Variants in ADAM10 observed in about 807,000 individuals in gnomAD.
The protein encoded by ADAM10 is ADAM metallopeptidase domain 10.
A neutral mutation model predicts 90.1 loss-of-function variants in ADAM10; 17 were observed. That is an observed-to-expected ratio of 0.19 (90% CI 0.13 to 0.28). The LOEUF (loss-of-function observed/expected upper bound fraction) is 0.28, where lower values mean the gene tolerates loss of function less well. Among genes scored for constraint, ADAM10 ranks in the 10% least tolerant of loss-of-function variants. The probability of loss-of-function intolerance (pLI) is 1.00; values close to 1 mark genes in which losing one functional copy is unlikely to be tolerated. For synonymous variants in ADAM10, 310 were observed against 298.6 expected (o/e 1.04, Z -0.40); for missense variants, 610 against 914.3 (o/e 0.67, Z 4.29).
chr15:58,684,133 G>T (rs1419578007), intron 2 of ADAM10, among the ~76,000 whole-genome samples: 1 of 152,062 alleles, frequency 6.6e-6, no homozygotes, highest in African/African-American at 2.4e-5. Flanking sequence ...ATTGTTTAGG[G>T]AATAATGACA....
At chr15:58,663,973 A>G (rs768810819) in intron 5 of ADAM10, among the ~76,000 whole-genome samples, 2 of 152,114 alleles carry the variant, frequency 1.3e-5, no homozygotes, top group Admixed American at 6.5e-5. Flanking sequence ...TTGCCAATAC[A>G]TTAGTACAGG....
rs181534411 is a variant in ADAM10, at chr15:58,636,003, G to A, written c.1013-2644C>T. On this transcript the variant is annotated intron_variant, in intron 8 of 15. Transcript: ENST00000260408. The stretch of plus-strand genomic sequence containing the variant: ...ATATGAAAGTTTAAAATGGCCGGGC[G>A]CAGTGGCTCACGTCTGTAATCCCAA... Among the ~76,000 whole-genome samples, 419 of 152,204 alleles carry A rather than the reference G, an allele frequency of 2.8e-3. 2 individuals carry two copies. Among genetic ancestry groups the A allele is most frequent in the Non-Finnish European group, 3.4e-3 (230 of 68,004 alleles).
chr15:58,646,754 G>A (rs1321097453), intron 5 of ADAM10, among the ~76,000 whole-genome samples: 1 of 152,160 alleles, frequency 6.6e-6, no homozygotes, highest in Non-Finnish European at 1.5e-5. Flanking sequence ...GTATTTCAAT[G>A]ACTTCCTATT....
chr15:58,627,675 CA>C (rs1566972335), intron 10 of ADAM10, 24 bp downstream of exon 10: 1 of 1,602,968 alleles, frequency 6.2e-7, no homozygotes, highest in South Asian at 1.1e-5. Context: ...ATGTTCATAA[CA>C]AAACGTTAGG....
At chr15:58,710,747 T>C (rs749474239) in intron 2 of ADAM10, among the ~76,000 whole-genome samples, 16 of 152,218 alleles carry the variant, frequency 1.1e-4, no homozygotes, top group Non-Finnish European at 2.1e-4. Flanking sequence ...TAAACATCTA[T>C]AACAATAGTA....
Position 58,717,700 on chromosome 15 carries a change from T to C in ADAM10, c.83A>G (p.Tyr28Cys). Residue 28 changes from tyrosine (Y) to cysteine (C), a missense_variant, in exon 2 of 16, where the codon TAT becomes TGT. Physicochemically the swap from Tyr to Cys is radical, Grantham distance 194. Around this residue, in one of 4 missense-constraint regions of ADAM10, gnomAD observed 310 missense variants for 362.4 expected, o/e 0.86. Transcript: ENST00000260408. ...AGATAATCCTTCATAATGTCTGATA[T>C]ATTTATTTAAAGGATTCCCATACTG... ...GGQYGNPLNK[Y>C]IRHYEGLSYN... is the part of the protein sequence containing the mutation. The C allele has an allele frequency of 1.9e-6, 3 of 1,613,358 alleles. No homozygotes were observed. The highest frequency in any genetic ancestry group is 2.5e-6 in the Non-Finnish European group (3 of 1,179,766).
intron 1 of ADAM10, among the ~76,000 whole-genome samples, chr15:58,720,766 T>C (rs1452654875): frequency 3.3e-5 from 5 of 152,210 alleles, no homozygotes; most frequent in African/African-American, 1.2e-4. Flanking sequence ...ATCTTCTGTA[T>C]CCTTTAAACA....
At chr15:58,615,627 A>G (rs991205381) in intron 11 of ADAM10, among the ~76,000 whole-genome samples, 1 of 152,206 alleles carries the variant, frequency 6.6e-6, no homozygotes, top group Admixed American at 6.5e-5. Context: ...AAAGTAAAGG[A>G]ACAGAAGAAG....
chr15:58,654,197 T>G (rs1362820214), intron 5 of ADAM10, among the ~76,000 whole-genome samples: 4 of 152,186 alleles, frequency 2.6e-5, no homozygotes, highest in Non-Finnish European at 5.9e-5. Flanking sequence ...TCTATTTCAT[T>G]TACTTCTGCT....
intron 2 of ADAM10, among the ~76,000 whole-genome samples, chr15:58,705,490 C>A (rs1595638312): frequency 1.3e-5 from 2 of 152,182 alleles, no homozygotes; most frequent in Admixed American, 1.3e-4. Flanking sequence ...CAAACAGATA[C>A]TGAGTCCCTA....
At chr15:58,706,206 A>G (rs1455095061) in intron 2 of ADAM10, among the ~76,000 whole-genome samples, 1 of 152,252 alleles carries the variant, frequency 6.6e-6, no homozygotes, top group Non-Finnish European at 1.5e-5. Flanking sequence ...CTAATGAAGT[A>G]CGTTGCCAAT....
intron 1 of ADAM10, among the ~76,000 whole-genome samples, chr15:58,722,294 A>G (rs1898881129): frequency 6.6e-6 from 1 of 152,114 alleles, no homozygotes; most frequent in South Asian, 2.1e-4. Flanking sequence ...GTGAGCCAAG[A>G]TCGCACCACT....
intron 2 of ADAM10, chr15:58,686,714 A>G: frequency 1.6e-6 from 1 of 643,822 alleles, no homozygotes; most frequent in East Asian, 2.7e-5. Flanking sequence ...CCTAACTTTT[A>G]GAGATATTTC....
intron 5 of ADAM10, among the ~76,000 whole-genome samples, chr15:58,652,961 T>C (rs761962873): frequency 6.6e-6 from 1 of 152,190 alleles, no homozygotes; most frequent in Non-Finnish European, 1.5e-5. Context: ...TTCCTAGGTA[T>C]GTAATTTTAT....
intron 2 of ADAM10, chr15:58,691,577 T>C (rs1011517042): frequency 6.0e-6 from 3 of 503,994 alleles, no homozygotes; most frequent in African/African-American, 1.9e-5. Context: ...CCTCATGGAT[T>C]CCAAGCCACG....
rs1894938017 is a variant in ADAM10 at position 58,595,921 on chromosome 15, A to G, written c.*1626T>C. 6.6e-6 allele frequency: 1 copy of G among 152,128 alleles called. No homozygotes were observed. Among genetic ancestry groups the G allele is most frequent in the Non-Finnish European group, 1.5e-5 (1 of 67,972 alleles). 9.4% of individuals were successfully genotyped at this position (152,128 alleles called of 1,614,324 possible). On this transcript the variant is annotated 3_prime_UTR_variant, in exon 16 of 16. Transcript: ENST00000260408. Reference sequence around the variant, plus strand: ...TTATTTATAGTCTATCTGGGGTTTCATGTACAAAATTTGTCTCTAAATCAT... The same window carrying G: ...TTATTTATAGTCTATCTGGGGTTTCGTGTACAAAATTTGTCTCTAAATCAT...
At chr15:58,741,414 A>AATAT (rs1899611118) in intron 1 of ADAM10, among the ~76,000 whole-genome samples, 2 of 152,228 alleles carry the variant, frequency 1.3e-5, no homozygotes, top group African/African-American at 4.8e-5. Flanking sequence ...TACCTAAAGC[A>AATAT]CTGCTTCCCA....
chr15:58,623,816 G>A (rs796548631), intron 10 of ADAM10, among the ~76,000 whole-genome samples: 3 of 152,108 alleles, frequency 2.0e-5, no homozygotes, highest in South Asian at 2.1e-4. Context: ...CCAGTCCAGG[G>A]GTAGAAGGTG....
intron 1 of ADAM10, among the ~76,000 whole-genome samples, chr15:58,722,043 T>C (rs1244323609): frequency 6.9e-6 from 1 of 145,222 alleles, no homozygotes; most frequent in South Asian, 2.2e-4. Flanking sequence ...AATAAATATA[T>C]ATATGTAAAT....
Sources: gnomAD v4.1 joint callset for allele counts (sites outside exome capture counted in the v4.1 genomes callset) on GRCh38, gnomAD v4.1.1 for gene constraint, gnomAD v4.1.1 regional missense constraint, MANE v1.5 for transcripts, NCBI Gene and HGNC (gene_info 2026-07-23, HGNC 2026-07-21) for gene names.